Variants in STAG1 observed in about 807,000 individuals in gnomAD.
STAG1 encodes the protein STAG1 cohesin complex component.
A neutral mutation model predicts 170.9 loss-of-function variants in STAG1; 26 were observed. The ratio of observed to expected loss-of-function variants is 0.15; its 90% CI spans 0.11 to 0.21. The LOEUF (loss-of-function observed/expected upper bound fraction) is 0.21. Ranked by LOEUF, STAG1 falls within the 10% of genes least tolerant of loss-of-function variation. The pLI is 1.00. For missense variants in STAG1, 964 were observed against 1,509.5 expected, an observed-to-expected ratio of 0.64 and a Z score of 5.99; for synonymous variants, 514 against 497.7, an observed-to-expected ratio of 1.03 and a Z score of -0.44.
chr3:136,398,508 T>C (rs1366218616), intron 22 of STAG1, among the ~76,000 whole-genome samples: 1 of 152,140 alleles, frequency 6.6e-6, no homozygotes, highest in Non-Finnish European at 1.5e-5. Flanking sequence ...TCCGTGTGTG[T>C]GTGTACATAT....
At chr3:136,706,307 G>A (rs1360944934) in intron 1 of STAG1, among the ~76,000 whole-genome samples, 5 of 152,010 alleles carry the variant, frequency 3.3e-5, no homozygotes, top group South Asian at 2.1e-4. Context: ...ATCTCTAGTC[G>A]CACATGACAC....
chr3:136,570,600 T>C (rs117006907), intron 4 of STAG1, among the ~76,000 whole-genome samples: 1 of 152,210 alleles, frequency 6.6e-6, no homozygotes, highest in Non-Finnish European at 1.5e-5. Flanking sequence ...TAGTAGATAA[T>C]GCCAAACAAT....
intron 5 of STAG1, among the ~76,000 whole-genome samples, chr3:136,550,666 T>C (rs950395560): frequency 6.6e-6 from 1 of 152,160 alleles, no homozygotes; most frequent in Non-Finnish European, 1.5e-5. Flanking sequence ...AGAAATTTAG[T>C]CATTTATTCT....
chr3:136,637,978 A>T (rs1278898962), intron 1 of STAG1, among the ~76,000 whole-genome samples: 1 of 151,302 alleles, frequency 6.6e-6, no homozygotes. Context: ...GGCCCAAGTG[A>T]TCCTGGCCAC....
At chr3:136,571,710 C>CA (rs1243602888) in intron 4 of STAG1, among the ~76,000 whole-genome samples, 6 of 150,686 alleles carry the variant, frequency 4.0e-5, no homozygotes, top group Admixed American at 6.6e-5. Context: ...TCATCTCTAC[C>CA]AAAAAACAAA....
chr3:136,470,908 T>TCA (rs1419422267), intron 12 of STAG1, among the ~76,000 whole-genome samples: 2 of 148,876 alleles, frequency 1.3e-5, no homozygotes, highest in African/African-American at 5.0e-5. Flanking sequence ...CTGCATGTTC[T>TCA]CACTCATAGG....
intron 14 of STAG1, among the ~76,000 whole-genome samples, chr3:136,449,529 C>T (rs541460945): frequency 6.7e-6 from 1 of 149,616 alleles, no homozygotes; most frequent in South Asian, 2.1e-4. Context: ...CACTGCACTC[C>T]AGCCTGAGTG....
chr3:136,484,841 C>G (rs2089972723), intron 9 of STAG1, among the ~76,000 whole-genome samples: 1 of 151,830 alleles, frequency 6.6e-6, no homozygotes, highest in Non-Finnish European at 1.5e-5. Context: ...ACCCGATTTT[C>G]CAGGTGCGTC....
chr3:136,701,814 A>G (rs1050448502), intron 1 of STAG1, among the ~76,000 whole-genome samples: 3 of 152,318 alleles, frequency 2.0e-5, no homozygotes, highest in African/African-American at 7.2e-5. Flanking sequence ...GAAAATTGTT[A>G]TCACAAAATT....
chr3:136,564,554 G>A (rs1936979272), intron 5 of STAG1, among the ~76,000 whole-genome samples: 1 of 152,024 alleles, frequency 6.6e-6, no homozygotes, highest in African/African-American at 2.4e-5. Flanking sequence ...TAGGTACTTA[G>A]GTCTATGTCA....
At chr3:136,510,548 T>C (rs1227447971) in intron 7 of STAG1, among the ~76,000 whole-genome samples, 2 of 151,890 alleles carry the variant, frequency 1.3e-5, no homozygotes, top group African/African-American at 2.4e-5. Flanking sequence ...AGTGTTAGCA[T>C]TACAGGCGTG....
intron 1 of STAG1, among the ~76,000 whole-genome samples, chr3:136,743,581 A>G (rs1331867523): frequency 6.6e-6 from 1 of 152,132 alleles, no homozygotes; most frequent in Non-Finnish European, 1.5e-5. Context: ...TATCTAGTAT[A>G]GAAACTAAAT....
intron 22 of STAG1, among the ~76,000 whole-genome samples, chr3:136,382,479 T>G (rs1013705833): frequency 6.6e-6 from 1 of 151,782 alleles, no homozygotes; most frequent in African/African-American, 2.4e-5. Context: ...CTCGGCTCAT[T>G]GCAACCTCTG....
chr3:136,615,433 A>G (rs1939540283), intron 3 of STAG1, among the ~76,000 whole-genome samples: 1 of 142,986 alleles, frequency 7.0e-6, no homozygotes, highest in African/African-American at 2.6e-5. Flanking sequence ...CCAAAAAAAA[A>G]AAAAAAAAAA....
At chr3:136,743,563 T>A (rs546097823) in intron 1 of STAG1, among the ~76,000 whole-genome samples, 100 of 152,010 alleles carry the variant, frequency 6.6e-4, no homozygotes, top group Admixed American at 1.7e-3. Flanking sequence ...AAAATTTGAA[T>A]AGCCCTATAT....
chr3:136,643,998 C>A (rs1169220587), intron 1 of STAG1, among the ~76,000 whole-genome samples: 2 of 151,994 alleles, frequency 1.3e-5, no homozygotes, highest in African/African-American at 4.8e-5. Context: ...AATATTACAC[C>A]CATTTCAATT....
At chr3:136,682,940 A>C (rs1305747073) in intron 1 of STAG1, among the ~76,000 whole-genome samples, 1 of 152,244 alleles carries the variant, frequency 6.6e-6, no homozygotes, top group Admixed American at 6.5e-5. Context: ...CAGCCTTAAA[A>C]AAGGAAATTC....
At chr3:136,457,682 T>A (rs1473227790) in intron 13 of STAG1, among the ~76,000 whole-genome samples, 1 of 152,130 alleles carries the variant, frequency 6.6e-6, no homozygotes, top group Non-Finnish European at 1.5e-5. Context: ...CAAGAAAACT[T>A]CAAGGTATAA....
chr3:136,704,221 T>C (rs1377171941), intron 1 of STAG1, among the ~76,000 whole-genome samples: 2 of 151,528 alleles, frequency 1.3e-5, no homozygotes, highest in East Asian at 2.0e-4. Context: ...TGGCTACTTT[T>C]TGTATTTTTA....
Sources: allele counts gnomAD v4.1 joint callset (sites outside exome capture counted in the v4.1 genomes callset), GRCh38; gene constraint gnomAD v4.1.1; transcripts MANE v1.5; gene names NCBI Gene and HGNC (gene_info 2026-07-23, HGNC 2026-07-21).